The following GRM7 variants were observed in gnomAD, a reference collection of about 807,000 sequenced individuals.
GRM7 encodes the protein glutamate metabotropic receptor 7.
A neutral mutation model predicts 84.5 loss-of-function variants in GRM7; 35 were observed. The observed-to-expected ratio is 0.41, with a 90% CI of 0.32 to 0.55. The LOEUF (loss-of-function observed/expected upper bound fraction) is 0.55. GRM7 is among the 20% of genes least tolerant of loss of function. GRM7 has a pLI of 0.19. For missense variants in GRM7, 1,003 were observed against 1,194.6 expected (o/e 0.84, Z 2.36); for synonymous variants, 487 against 455.1 (o/e 1.07, Z -0.89).
intron 1 of GRM7, among the ~76,000 whole-genome samples, chr3:6,948,694 C>G (rs182707320): frequency 3.1e-4 from 47 of 152,274 alleles, no homozygotes; most frequent in South Asian, 6.2e-4. Context: ...GTGTCTAAGT[C>G]TCTTTGTAGG....
At chr3:7,476,751 C>A (rs1386766325) in intron 7 of GRM7, among the ~76,000 whole-genome samples, 2 of 152,140 alleles carry the variant, frequency 1.3e-5, no homozygotes, top group African/African-American at 4.8e-5. Flanking sequence ...TCTCCTCATA[C>A]CTCTCTGCCC....
chr3:7,290,173 G>A (rs371245667), intron 2 of GRM7, among the ~76,000 whole-genome samples: 2 of 152,058 alleles, frequency 1.3e-5, no homozygotes, highest in Admixed American at 1.3e-4. Flanking sequence ...GGCAAAGAAA[G>A]TAACTCACAA....
At chr3:7,167,001 A>G (rs1694820091) in intron 2 of GRM7, among the ~76,000 whole-genome samples, 1 of 152,130 alleles carries the variant, frequency 6.6e-6, no homozygotes, top group Admixed American at 6.5e-5. Flanking sequence ...TGAAATGGAA[A>G]CTCATTATAT....
intron 1 of GRM7, among the ~76,000 whole-genome samples, chr3:6,918,733 TAGGAG>T (rs1471208709): frequency 1.3e-5 from 2 of 152,072 alleles, no homozygotes; most frequent in African/African-American, 4.8e-5. Flanking sequence ...AAACTGACCT[TAGGAG>T]AAGATTAAAG....
intron 8 of GRM7, among the ~76,000 whole-genome samples, chr3:7,584,011 A>C (rs57661250): frequency 0.23 from 34,806 of 152,164 alleles, 4,846 homozygotes; most frequent in Non-Finnish European, 0.29. Context: ...GAAGGACAGG[A>C]ACATGGAGAA....
At chr3:6,908,662 G>A (rs1399217702) in intron 1 of GRM7, among the ~76,000 whole-genome samples, 1 of 152,074 alleles carries the variant, frequency 6.6e-6, no homozygotes, top group Non-Finnish European at 1.5e-5. Flanking sequence ...CTTTTATGAG[G>A]ACACTAAGAC....
intron 4 of GRM7, among the ~76,000 whole-genome samples, chr3:7,338,591 C>T (rs888288498): frequency 3.3e-5 from 5 of 152,122 alleles, no homozygotes; most frequent in African/African-American, 1.2e-4. Context: ...GTAGCTGGTT[C>T]TCTGGAAGTT....
chr3:6,867,033 A>C (rs957457261), intron 1 of GRM7, among the ~76,000 whole-genome samples: 1 of 152,186 alleles, frequency 6.6e-6, no homozygotes, highest in Admixed American at 6.5e-5. Context: ...AGTAGGGCTG[A>C]GTGGTGGGAG....
At chr3:6,965,945 A>G (rs1168535104) in intron 1 of GRM7, among the ~76,000 whole-genome samples, 1 of 152,130 alleles carries the variant, frequency 6.6e-6, no homozygotes, top group Non-Finnish European at 1.5e-5. Flanking sequence ...CACACCAAAA[A>G]GAAACGGTGT....
At chr3:7,518,400 G>A (rs1490497655) in intron 7 of GRM7, among the ~76,000 whole-genome samples, 1 of 152,172 alleles carries the variant, frequency 6.6e-6, no homozygotes, top group Non-Finnish European at 1.5e-5. Context: ...TGTCTGCCAT[G>A]ACACCTTATT....
intron 1 of GRM7, among the ~76,000 whole-genome samples, chr3:6,989,720 A>T (rs1053990597): frequency 6.6e-6 from 1 of 152,234 alleles, no homozygotes; most frequent in East Asian, 1.9e-4. Context: ...GATAATTCAC[A>T]TGGCTTGCGC....
At chr3:7,295,300 G>A (rs933053234) in intron 2 of GRM7, among the ~76,000 whole-genome samples, 1 of 152,074 alleles carries the variant, frequency 6.6e-6, no homozygotes, top group Non-Finnish European at 1.5e-5. Flanking sequence ...TCAGTTGACT[G>A]TATTTGTGTT....
intron 2 of GRM7, among the ~76,000 whole-genome samples, chr3:7,191,165 A>T (rs1695699561): frequency 6.6e-6 from 1 of 152,140 alleles, no homozygotes; most frequent in African/African-American, 2.4e-5. Flanking sequence ...GAAGATGTTA[A>T]TATTCAAGCT....
intron 1 of GRM7, among the ~76,000 whole-genome samples, chr3:7,034,940 C>T (rs778410344): frequency 1.3e-4 from 20 of 152,126 alleles, no homozygotes; most frequent in African/African-American, 2.2e-4. Flanking sequence ...AGAAGGATCC[C>T]GAGGATGAAG....
At chr3:7,400,132 G>A (rs1695387968) in intron 4 of GRM7, among the ~76,000 whole-genome samples, 1 of 152,086 alleles carries the variant, frequency 6.6e-6, no homozygotes. Flanking sequence ...AACAGACTAG[G>A]ACAAAATATT....
intron 4 of GRM7, among the ~76,000 whole-genome samples, chr3:7,377,631 C>T (rs951832096): frequency 6.6e-6 from 1 of 152,098 alleles, no homozygotes; most frequent in Non-Finnish European, 1.5e-5. Context: ...ATTAAGGTGA[C>T]CTCAGATGTT....
chr3:7,438,054 G>A (rs966669794), intron 5 of GRM7, among the ~76,000 whole-genome samples: 1 of 152,018 alleles, frequency 6.6e-6, no homozygotes. Flanking sequence ...ATTACACTGA[G>A]CCTCGTAGAC....
chr3:7,645,546 T>TAAAAAAAAAAAAAA (rs71043684), intron 8 of GRM7, among the ~76,000 whole-genome samples: 28 of 87,780 alleles, frequency 3.2e-4, no homozygotes, highest in African/African-American at 4.6e-4. Flanking sequence ...GACTCCATCT[T>TAAAAAAAAAAAAAA]AAAAAAAAAA....
At chr3:7,050,551 G>T (rs943746376) in intron 1 of GRM7, among the ~76,000 whole-genome samples, 1 of 151,812 alleles carries the variant, frequency 6.6e-6, no homozygotes, top group African/African-American at 2.4e-5. Context: ...CAAGTAGATT[G>T]CATATTTAAT....
Sources: gnomAD v4.1 joint callset for allele counts (sites outside exome capture counted in the v4.1 genomes callset) on GRCh38, gnomAD v4.1.1 for gene constraint, MANE v1.5 for transcripts, NCBI Gene and HGNC (gene_info 2026-07-23, HGNC 2026-07-21) for gene names.